The following MCF2L variants were observed in gnomAD, a reference collection of about 807,000 sequenced individuals.
The protein encoded by MCF2L is guanine nucleotide exchange factor DBS.
MCF2L carries 97 observed loss-of-function variants against 153.4 expected under a neutral mutation model. The observed-to-expected ratio is 0.63, with a 90% confidence interval of 0.54 to 0.75. MCF2L has a LOEUF of 0.75. Ranked by LOEUF, MCF2L falls within the 30% of genes least tolerant of loss-of-function variation. The pLI is 0.00. For missense variants in MCF2L, 1,347 were observed against 1,495.2 expected (o/e 0.90, Z 1.64); for synonymous variants, 659 against 632.2 (o/e 1.04, Z -0.64).
chr13:113,066,674 G>A (rs1401779896), intron 8 of MCF2L, among the ~76,000 whole-genome samples: 1 of 152,118 alleles, frequency 6.6e-6, no homozygotes, highest in Non-Finnish European at 1.5e-5. Flanking sequence ...AGGATGTCCA[G>A]AACTCCCTGA....
chr13:113,096,881 C>T lies in MCF2L; in HGVS notation c.*22C>T. 1 of 1,377,596 alleles carries T rather than the reference C, an allele frequency of 7.3e-7. No homozygotes were observed. Among genetic ancestry groups the T allele is most frequent in the African/African-American group, 1.5e-5 (1 of 65,750 alleles). 85.3% of individuals were successfully genotyped at this position (1,377,596 alleles called of 1,614,324 possible). On this transcript the variant is annotated 3_prime_UTR_variant, in exon 30 of 30. Coordinates refer to ENST00000535094, the MANE Select transcript of MCF2L (RefSeq NM_001112732.3). ...GTAGCGCGGCCTCGGCGCCGGAGAC[C>T]CGCGCGCTGTCTGGGGCTGCGGTGG...
intron 4 of MCF2L, among the ~76,000 whole-genome samples, chr13:113,051,405 T>A (rs1288072375): frequency 1.3e-5 from 2 of 152,098 alleles, no homozygotes; most frequent in Non-Finnish European, 2.9e-5. Flanking sequence ...AGGCAGCCCG[T>A]GAGGCTTCCA....
intron 26 of MCF2L, chr13:113,093,551 A>G (rs2035395854): frequency 6.6e-6 from 1 of 151,500 alleles, no homozygotes; most frequent in Non-Finnish European, 1.5e-5. Context: ...CACAGGGCAC[A>G]CAGGCATCCG....
rs764573090 is a variant in MCF2L, at chr13:113,096,611, C to T, written c.3250C>T (p.Arg1084Trp). Residue 1084 changes from arginine (R) to tryptophan (W), a missense_variant, in exon 29 of 30, where the codon CGG becomes TGG. Coordinates refer to ENST00000535094, the MANE Select transcript of MCF2L (RefSeq NM_001112732.3). ...GGTGCCGGCCAGCAGCCTGTCCGTC[C>T]GGCTCGGCCCGTCCGGCTCGGCCCA... ...GWVPASSLSVRLGPSGSAQCL... is the reference protein window; with the variant it reads ...GWVPASSLSVWLGPSGSAQCL... The T allele has an allele frequency of 3.8e-6, 6 of 1,598,870 alleles. No homozygotes were observed. Among genetic ancestry groups the T allele is most frequent in the East Asian group, 2.2e-5 (1 of 44,606 alleles).
intron 2 of MCF2L, among the ~76,000 whole-genome samples, chr13:113,023,992 C>A (rs534362067): frequency 6.6e-6 from 1 of 152,230 alleles, no homozygotes; most frequent in African/African-American, 2.4e-5. Flanking sequence ...CAAAACAGAT[C>A]GCAAGGCCAG....
intron 2 of MCF2L, among the ~76,000 whole-genome samples, chr13:112,905,619 T>C (rs1312410353): frequency 2.6e-5 from 4 of 152,218 alleles, no homozygotes; most frequent in African/African-American, 7.2e-5. Context: ...TTTCTTTCTC[T>C]ATGAAATGGA....
In MCF2L at chr13:113,074,503, C is replaced by G; in HGVS notation, c.1056C>G (p.Asn352Lys). 1 of 1,614,076 alleles carries G rather than the reference C, an allele frequency of 6.2e-7. No individual in the cohort carries two copies. The highest frequency in any genetic ancestry group is 2.2e-5 in the East Asian group (1 of 44,876). ...TAGCAACCTTCACAGACATCGGCAA[C>G]AGCCTGGCGCATGTGGAGCACCTGC... is the stretch of plus-strand genomic sequence containing the variant. ...QKIATFTDIG[N>K]SLAHVEHLLR... is the part of the protein sequence containing the mutation. Residue 352 changes from asparagine (N) to lysine (K), a missense_variant, in exon 10 of 30, where the codon AAC (asparagine) becomes AAG (lysine). Transcript: ENST00000535094. The surrounding 1 kb of genome is among the most constrained non-coding windows in gnomAD (Gnocchi z 4.2).
At chr13:112,948,953 C>A (rs1437193994) in intron 2 of MCF2L, among the ~76,000 whole-genome samples, 2 of 152,200 alleles carry the variant, frequency 1.3e-5, no homozygotes, top group African/African-American at 4.8e-5. Context: ...GTAGTCCCAG[C>A]TACTCATGAG....
chr13:112,959,358 G>A (rs913948492), intron 2 of MCF2L, among the ~76,000 whole-genome samples: 5 of 151,820 alleles, frequency 3.3e-5, no homozygotes, highest in African/African-American at 7.3e-5. Flanking sequence ...AGAGTTTCTC[G>A]GACATGGTGT....
intron 1 of MCF2L, among the ~76,000 whole-genome samples, chr13:112,976,142 GTT>G (rs35742533): frequency 0.27 from 40,460 of 149,998 alleles, 6,330 homozygotes; most frequent in Non-Finnish European, 0.36. Flanking sequence ...AATGTTCCGG[GTT>G]TTTTTTTTTG....
At chr13:112,955,792 C>T (rs1239795896) in intron 2 of MCF2L, among the ~76,000 whole-genome samples, 3 of 152,182 alleles carry the variant, frequency 2.0e-5, no homozygotes, top group Non-Finnish European at 4.4e-5. Context: ...AGAGTGGCCA[C>T]CTACACACAT....
rs939321019 is a variant in MCF2L at position 113,098,193 on chromosome 13, C to T, written c.*1334C>T. On this transcript the variant is annotated 3_prime_UTR_variant, in exon 30 of 30. Coordinates refer to ENST00000535094, the MANE Select transcript of MCF2L (RefSeq NM_001112732.3). ...CCAGCCCCAGCACAGTGGAGGCAGGCGTGGCTGCATTCCCCTCACGCTACC... is the reference window on the plus strand; with the variant it reads ...CCAGCCCCAGCACAGTGGAGGCAGGTGTGGCTGCATTCCCCTCACGCTACC... 1 of 152,548 alleles carries T rather than the reference C, an allele frequency of 6.6e-6. No individual in the cohort carries two copies. Among genetic ancestry groups the T allele is most frequent in the African/African-American group, 2.4e-5 (1 of 41,456 alleles). The allele number at this position is 152,548 out of a possible 1,614,324, so 9.4% of individuals were successfully genotyped here. A position where few individuals can be genotyped will look rare whatever the true frequency, so the allele number is the denominator to read the frequency against.
rs57030206 is a variant in MCF2L at position 112,923,257 on chromosome 13, C to CTTTTTT, written c.169+20905_169+20910dup. Reference sequence around the variant, plus strand: ...TCTCCATGAACTTCAGTGTTTGCTTCTTTTTTTTTTTTTTTTTTTTTTTTG... The same window carrying CTTTTTT: ...TCTCCATGAACTTCAGTGTTTGCTTCTTTTTTTTTTTTTTTTTTTTTTTTTTTTTTG... On this transcript the variant is annotated intron_variant, in intron 2 of 29. Coordinates refer to the MCF2L transcript ENST00000375608. 4.0e-3 allele frequency among the ~76,000 whole-genome samples: 316 copies of CTTTTTT among 78,480 alleles called. 9 individuals are homozygous for CTTTTTT. The highest frequency in any genetic ancestry group is 8.0e-3 in the African/African-American group (153 of 19,200). The allele number at this position is 78,480 out of a possible 152,430, so 51.5% of individuals were successfully genotyped here. A position where few individuals can be genotyped will look rare whatever the true frequency, so the allele number is the denominator to read the frequency against.
At chr13:112,985,489 C>T in intron 1 of MCF2L, 1 of 470,812 alleles carries the variant, frequency 2.1e-6, no homozygotes. Context: ...GGTGAGTCTC[C>T]TCGTCCCCTG....
At position 112,911,361 on chromosome 13, in the gene MCF2L, G is replaced by A. The variant is rs554068428; in HGVS notation, c.169+8990G>A. 2.4e-3 allele frequency among the ~76,000 whole-genome samples: 371 copies of A among 152,336 alleles called. 6 individuals carry two copies. The highest frequency in any genetic ancestry group is 8.4e-3 in the African/African-American group (351 of 41,594). On this transcript the variant is annotated intron_variant, in intron 2 of 29. Coordinates refer to the MCF2L transcript ENST00000375608. ...CCGGGGTCTGTCTGCAGCTCCGCCC[G>A]GCACCGTCCATGCAGGGTGTAGACC...
chr13:112,910,448 GA>G (rs1357280667), intron 2 of MCF2L: 1 of 152,202 alleles, frequency 6.6e-6, no homozygotes, highest in Admixed American at 6.5e-5. Context: ...TAAGGGTTTG[GA>G]AATGATTTAG....
chr13:113,057,575 G>A (rs955502528), intron 4 of MCF2L, among the ~76,000 whole-genome samples: 1 of 147,772 alleles, frequency 6.8e-6, no homozygotes, highest in African/African-American at 2.5e-5. Context: ...GGTGCTGTGT[G>A]TTTGAGTGGT....
In MCF2L at chr13:113,028,540, GCGCAGGCCCAGTCCC is replaced by G. The variant is rs2141333245; in HGVS notation, c.278+3786_278+3800del. Among the ~76,000 whole-genome samples, 1 of 152,360 alleles carries G rather than the reference GCGCAGGCCCAGTCCC, an allele frequency of 6.6e-6. No individual in the cohort carries two copies. Among genetic ancestry groups the G allele is most frequent in the South Asian group, 2.1e-4 (1 of 4,832 alleles). On this transcript the variant is annotated intron_variant, in intron 3 of 29. Transcript: ENST00000535094. The surrounding 1 kb of genome is among the most constrained non-coding windows in gnomAD (Gnocchi z 5.4). ...CCTGGTCTGGCTGAAGGTGGCCGGA[GCGCAGGCCCAGTCCC>G]CGCTGTGGACACGCGGGCCCCAGGT...
At chr13:113,073,082 A>G (rs529915559) in intron 9 of MCF2L, among the ~76,000 whole-genome samples, 41 of 131,848 alleles carry the variant, frequency 3.1e-4, no homozygotes, top group African/African-American at 1.1e-3. Flanking sequence ...TGACCCATCC[A>G]TTCTTTAAAT....
Sources: gnomAD v4.1 joint callset for allele counts (sites outside exome capture counted in the v4.1 genomes callset) on GRCh38, gnomAD v4.1.1 for gene constraint, Gnocchi (gnomAD v3.1) non-coding constraint, MANE v1.5 for transcripts, NCBI Gene and HGNC (gene_info 2026-07-23, HGNC 2026-07-21) for gene names.